The following INAVA variants were observed in gnomAD, a reference collection of about 807,000 sequenced individuals.
INAVA encodes innate immunity activator protein.
A neutral mutation model predicts 55.3 loss-of-function variants in INAVA; 32 were observed. The ratio of observed to expected loss-of-function variants is 0.58; its 90% CI spans 0.44 to 0.78. The LOEUF (loss-of-function observed/expected upper bound fraction) is 0.78. INAVA is among the 30% of genes least tolerant of loss of function. The pLI is 0.00. For missense variants in INAVA, 756 were observed against 786.4 expected (o/e 0.96, Z 0.46); for synonymous variants, 294 against 329.4 (o/e 0.89, Z 1.16).
intron 8 of INAVA, among the ~76,000 whole-genome samples, chr1:200,910,990 G>A (rs1340880051): frequency 6.6e-6 from 1 of 151,992 alleles, no homozygotes. Context: ...TCTGCCACTG[G>A]ACACGGTGTA....
Position 200,899,509 on chromosome 1 carries a change from C to A in INAVA, c.92C>A (p.Thr31Asn). Reference protein sequence around the residue: ...DSPVSPMKELTHAVHKQQRAL... With the variant: ...DSPVSPMKELNHAVHKQQRAL... ...CCGGTCTCCCCAATGAAGGAGCTGA[C>A]CCATGCAGTGCACAAGCAGCAGAGG... The change falls in exon 3 of 10, where the codon ACC (threonine) becomes AAC (asparagine). Residue 31 changes from threonine (T) to asparagine (N), a missense_variant. Physicochemically the swap from Thr to Asn is moderately conservative, Grantham distance 65. Transcript: ENST00000413687. 6.2e-7 allele frequency: 1 copy of A among 1,614,024 alleles called. No individual in the cohort carries two copies. Among genetic ancestry groups the A allele is most frequent in the Non-Finnish European group, 8.5e-7 (1 of 1,179,994 alleles).
At chr1:200,891,601 C>CG (rs750421792), upstream of INAVA, 1 of 1,565,294 alleles carries the variant, frequency 6.4e-7, no homozygotes, top group Admixed American at 1.8e-5. Context: ...CAGGGAGGCT[C>CG]GGGGGGAGGG....
Position 200,898,467 on chromosome 1 carries a change from G to A in INAVA, c.55+12G>A, listed in dbSNP as rs950560802. ...CATCCTGCAGTCTGGTGAGTGTTCAGGGAAATCCCCCTGCCCTAGTCCCTA... is the reference window on the plus strand; with the variant it reads ...CATCCTGCAGTCTGGTGAGTGTTCAAGGAAATCCCCCTGCCCTAGTCCCTA... On this transcript the variant is annotated intron_variant, in intron 2 of 9. Coordinates refer to ENST00000413687, the MANE Select transcript of INAVA (RefSeq NM_001142569.3). 5.6e-6 allele frequency: 9 copies of A among 1,613,394 alleles called. No individual in the cohort carries two copies. Among genetic ancestry groups the A allele is most frequent in the Non-Finnish European group, 6.8e-6 (8 of 1,179,684 alleles).
At chr1:200,908,671 T>G (rs563926712) in intron 6 of INAVA, 59 bp from the exon 7 acceptor site, 12 of 1,423,588 alleles carry the variant, frequency 8.4e-6, no homozygotes, top group East Asian at 4.8e-5. Flanking sequence ...TTTGTGGAGG[T>G]TCTTGTTGGG....
chr1:200,897,145 G>A (rs546172822), intron 1 of INAVA, among the ~76,000 whole-genome samples: 54 of 152,342 alleles, frequency 3.5e-4, no homozygotes, highest in Admixed American at 2.0e-3. Context: ...CCGACACAAT[G>A]GGATGGCACC....
intron 8 of INAVA, among the ~76,000 whole-genome samples, chr1:200,909,811 AC>A (rs1240730616): frequency 1.3e-5 from 2 of 152,048 alleles, no homozygotes; most frequent in Non-Finnish European, 2.9e-5. Context: ...CAAATACTGA[AC>A]CCTTGCCCCT....
chr1:200,895,964 G>C (rs767259173), intron 1 of INAVA, among the ~76,000 whole-genome samples: 5 of 152,144 alleles, frequency 3.3e-5, no homozygotes, highest in Admixed American at 1.3e-4. Flanking sequence ...TCATCCCAGA[G>C]AGGACCCAGC....
At position 200,911,628 on chromosome 1, in the gene INAVA, A is replaced by C. The variant is rs1167769760; in HGVS notation, c.1135A>C (p.Ile379Leu). The C allele has an allele frequency of 6.2e-7, 1 of 1,613,876 alleles. No individual in the cohort carries two copies. Among genetic ancestry groups the C allele is most frequent in the Non-Finnish European group, 8.5e-7 (1 of 1,179,908 alleles). The change falls in exon 9 of 10, where the codon ATC becomes CTC. Residue 379 changes from isoleucine (I) to leucine (L), a missense_variant. This residue lies in a region of INAVA where 639 missense variants were observed against 624.3 expected (regional missense o/e 1.02). Transcript: ENST00000413687. ...AGACAGTGGCTCTGACGTCTCCAGCATCTCCCACCCCACTTCGCCGGGCAG... is the reference window on the plus strand; with the variant it reads ...AGACAGTGGCTCTGACGTCTCCAGCCTCTCCCACCCCACTTCGCCGGGCAG... ...SEDSGSDVSSISHPTSPGSSS... is the reference protein window; with the variant it reads ...SEDSGSDVSSLSHPTSPGSSS...
chr1:200,909,892 A>C (rs1198748776), intron 8 of INAVA, among the ~76,000 whole-genome samples: 1 of 152,138 alleles, frequency 6.6e-6, no homozygotes, highest in Non-Finnish European at 1.5e-5. Context: ...TTAATATATA[A>C]CCTTATGTTA....
chr1:200,908,022 C>T, intron 6 of INAVA, 135 bp downstream of exon 6: 2 of 623,474 alleles, frequency 3.2e-6, no homozygotes, highest in Non-Finnish European at 5.8e-6. Flanking sequence ...TCCGCTTGGA[C>T]TTCATGTCAA....
At position 200,913,902 on chromosome 1, in the gene INAVA, C is replaced by T; in HGVS notation, c.*273C>T. The T allele has an allele frequency of 4.8e-6, 2 of 417,540 alleles. No homozygotes were observed. The highest frequency in any genetic ancestry group is 8.6e-6 in the Non-Finnish European group (2 of 232,536). The allele number at this position is 417,540 out of a possible 1,614,324, so 25.9% of individuals were successfully genotyped here. A position where few individuals can be genotyped will look rare whatever the true frequency, so the allele number is the denominator to read the frequency against. ...CTTAAGGCCTTGCCTGTCTGACTGA[C>T]AGCCTCTATCTCCTTATATAAGACA... is the stretch of plus-strand genomic sequence containing the variant. On this transcript the variant is annotated 3_prime_UTR_variant, in exon 10 of 10. Transcript: ENST00000413687.
upstream of INAVA, among the ~76,000 whole-genome samples, chr1:200,893,173 A>G (rs1315025494): frequency 6.6e-6 from 1 of 152,224 alleles, no homozygotes; most frequent in Admixed American, 6.5e-5. Context: ...TCATAGTTTC[A>G]TATCACACTG....
At chr1:200,899,386 T>C in intron 2 of INAVA, 87 bp from the exon 3 acceptor site, 5 of 1,380,208 alleles carry the variant, frequency 3.6e-6, no homozygotes, top group Non-Finnish European at 5.1e-6. Context: ...TGTGTGTGCA[T>C]GTGCATTCCC....
upstream of INAVA, among the ~76,000 whole-genome samples, chr1:200,892,313 T>C (rs149950945): frequency 5.9e-5 from 9 of 152,318 alleles, no homozygotes; most frequent in Non-Finnish European, 1.3e-4. Context: ...GAGACTACTT[T>C]GCTGGGGGCT....
chr1:200,900,298 C>A, intron 4 of INAVA, 78 bp downstream of exon 4: 1 of 1,300,434 alleles, frequency 7.7e-7, no homozygotes. Context: ...CAGCTCAGTA[C>A]CCTGGCAGGT....
rs139759344 is a variant in INAVA, at chr1:200,898,430, C to T, written c.30C>T (p.Thr10=). The T allele has an allele frequency of 7.1e-4, 1,151 of 1,614,052 alleles. 11 individuals are homozygous for T. The Admixed American group carries it at 0.018, about 26-fold the overall frequency. MESKDEVSD[T]DSGIILQSGP... is the part of the protein sequence containing the mutation. ...AGAGTAAGGATGAGGTCAGCGACAC[C>T]GACAGTGGCATCATCCTGCAGTCTG... Residue 10 remains threonine (T), a synonymous_variant, in exon 2 of 10, where the codon ACC becomes ACT. Coordinates refer to ENST00000413687, the MANE Select transcript of INAVA (RefSeq NM_001142569.3).
At position 200,911,512 on chromosome 1, in the gene INAVA, G is replaced by A; in HGVS notation, c.1019G>A (p.Arg340His). 6 of 1,613,646 alleles carry A rather than the reference G, an allele frequency of 3.7e-6. No homozygotes were observed. In the Middle Eastern group the frequency reaches 6.6e-4, roughly 178 times the overall value. ...GGTCGCAGCGCCTTTCCCCGCCGCC[G>A]CCCCACTCACTACACGGTGACAGTG... ...GRGRSAFPRR[R>H]PTHYTVTVPD... Residue 340 changes from arginine (R) to histidine (H), a missense_variant, in exon 9 of 10, where the codon CGC (arginine) becomes CAC (histidine). Around this residue, in one of 2 missense-constraint regions of INAVA, gnomAD observed 639 missense variants for 624.3 expected, o/e 1.02. Transcript: ENST00000413687.
intron 4 of INAVA, among the ~76,000 whole-genome samples, chr1:200,900,714 G>A: frequency 6.6e-6 from 1 of 152,228 alleles, no homozygotes. Flanking sequence ...GGGCTGGTGG[G>A]TGGGTGCCCA....
At chr1:200,904,169 A>T (rs1653392551) in intron 5 of INAVA, among the ~76,000 whole-genome samples, 1 of 151,562 alleles carries the variant, frequency 6.6e-6, no homozygotes, top group Non-Finnish European at 1.5e-5. Flanking sequence ...GCTCACTGCA[A>T]CCTCCACCTA....
Sources: gnomAD v4.1 joint callset for allele counts (sites outside exome capture counted in the v4.1 genomes callset) on GRCh38, gnomAD v4.1.1 for gene constraint, gnomAD v4.1.1 regional missense constraint, MANE v1.5 for transcripts, NCBI Gene and HGNC (gene_info 2026-07-23, HGNC 2026-07-21) for gene names.